The following NAALADL2 variants were observed in gnomAD, a reference collection of about 807,000 sequenced individuals.
NAALADL2 encodes the protein N-acetylated alpha-linked acidic dipeptidase like 2, also known as inactive N-acetylated-alpha-linked acidic dipeptidase-like protein 2.
Under a neutral mutation model 87.2 loss-of-function variants are expected in NAALADL2, and 76 were observed. The observed-to-expected ratio is 0.87, with a 90% CI of 0.72 to 1.05. NAALADL2 has a LOEUF of 1.05. Ranked by LOEUF, NAALADL2 falls within the 50% of genes least tolerant of loss-of-function variation. The probability of loss-of-function intolerance (pLI) is 0.00; values close to 1 mark genes in which losing one functional copy is unlikely to be tolerated. For missense variants in NAALADL2, 1,089 were observed against 945.8 expected, an observed-to-expected ratio of 1.15 and a Z score of -1.99; for synonymous variants, 354 against 331.0, an observed-to-expected ratio of 1.07 and a Z score of -0.75.
intron 2 of NAALADL2, among the ~76,000 whole-genome samples, chr3:174,703,841 C>T (rs1009849377): frequency 6.6e-6 from 1 of 152,132 alleles, no homozygotes; most frequent in African/African-American, 2.4e-5. Flanking sequence ...TCTTTTGCTT[C>T]ACCCTGTGAT....
chr3:175,075,183 A>T (rs939561376), intron 1 of NAALADL2, among the ~76,000 whole-genome samples: 4 of 152,132 alleles, frequency 2.6e-5, no homozygotes, highest in Non-Finnish European at 4.4e-5. Flanking sequence ...CTTGTCCAAA[A>T]TATAAGTGGT....
Position 175,014,401 on chromosome 3 carries a change from T to C in NAALADL2, c.44-82389T>C, listed in dbSNP as rs544817936. Among the ~76,000 whole-genome samples, 5 of 152,286 alleles carry C rather than the reference T, an allele frequency of 3.3e-5. No individual in the cohort carries two copies. In the East Asian group the frequency reaches 9.6e-4, roughly 29 times the overall value. On this transcript the variant is annotated intron_variant, in intron 1 of 13. Coordinates refer to ENST00000454872, the MANE Select transcript of NAALADL2 (RefSeq NM_207015.3). ...ATTTTTAACATAATTTGATGTTAAA[T>C]AGAACACATTTTACTGCTTCATATT...
At chr3:175,588,119 C>T (rs1026493825) in intron 10 of NAALADL2, among the ~76,000 whole-genome samples, 15 of 151,610 alleles carry the variant, frequency 9.9e-5, no homozygotes, top group African/African-American at 3.6e-4. Flanking sequence ...GACTGTACAA[C>T]CCAAACTTTG....
intron 2 of NAALADL2, among the ~76,000 whole-genome samples, chr3:174,646,219 CA>C (rs1723765931): frequency 6.6e-6 from 1 of 151,948 alleles, no homozygotes; most frequent in African/African-American, 2.4e-5. Flanking sequence ...AATTCTTGAG[CA>C]GGACCATTCA....
chr3:174,632,988 T>G (rs535432338), intron 2 of NAALADL2, among the ~76,000 whole-genome samples: 1 of 149,326 alleles, frequency 6.7e-6, no homozygotes, highest in South Asian at 2.1e-4. Flanking sequence ...AATTGCTGGC[T>G]CAAAGTACAG....
At chr3:175,317,649 A>T (rs1759329042) in intron 4 of NAALADL2, among the ~76,000 whole-genome samples, 2 of 152,130 alleles carry the variant, frequency 1.3e-5, no homozygotes, top group Non-Finnish European at 2.9e-5. Context: ...GTGGCCCAGA[A>T]ATCTTAAAAA....
intron 1 of NAALADL2, among the ~76,000 whole-genome samples, chr3:174,538,716 C>T (rs185685805): frequency 1.3e-5 from 2 of 152,262 alleles, no homozygotes; most frequent in Non-Finnish European, 2.9e-5. Context: ...ACCTTGGTCT[C>T]TATAACCCCT....
chr3:175,196,506 C>A (rs1210235590), intron 2 of NAALADL2, among the ~76,000 whole-genome samples: 1 of 151,908 alleles, frequency 6.6e-6, no homozygotes, highest in Non-Finnish European at 1.5e-5. Context: ...TAAGTCAAAT[C>A]TCTTTCTAAA....
chr3:175,680,795 C>G (rs1457503709), intron 11 of NAALADL2, among the ~76,000 whole-genome samples: 3 of 152,156 alleles, frequency 2.0e-5, no homozygotes, highest in African/African-American at 7.2e-5. Flanking sequence ...ATGTGACATA[C>G]AAGTATCAGT....
At chr3:174,543,596 C>G (rs1722460391) in intron 1 of NAALADL2, among the ~76,000 whole-genome samples, 1 of 151,666 alleles carries the variant, frequency 6.6e-6, no homozygotes, top group South Asian at 2.1e-4. Flanking sequence ...TTTACTCTAT[C>G]CCACTCTTTC....
chr3:175,161,907 C>CT (rs1444958759), intron 2 of NAALADL2, among the ~76,000 whole-genome samples: 1 of 152,100 alleles, frequency 6.6e-6, no homozygotes, highest in African/African-American at 2.4e-5. Flanking sequence ...TTTACAACAT[C>CT]TTTCTCATAA....
intron 2 of NAALADL2, among the ~76,000 whole-genome samples, chr3:174,625,373 T>C (rs1721471943): frequency 6.6e-6 from 1 of 152,106 alleles, no homozygotes; most frequent in Non-Finnish European, 1.5e-5. Context: ...GTTTATTTGA[T>C]GTAATGGCTG....
chr3:175,664,043 G>A (rs1316214852), intron 11 of NAALADL2, among the ~76,000 whole-genome samples: 1 of 151,914 alleles, frequency 6.6e-6, no homozygotes, highest in Non-Finnish European at 1.5e-5. Flanking sequence ...ATTTCACTGG[G>A]CAATAACAAT....
intron 2 of NAALADL2, among the ~76,000 whole-genome samples, chr3:175,106,706 G>T (rs184726104): frequency 6.6e-6 from 1 of 152,064 alleles, no homozygotes; most frequent in East Asian, 1.9e-4. Flanking sequence ...TCTCTTTCAC[G>T]TTCCTGTTTA....
intron 1 of NAALADL2, among the ~76,000 whole-genome samples, chr3:175,004,971 T>TA (rs1748820518): frequency 1.3e-5 from 2 of 152,020 alleles, no homozygotes; most frequent in Non-Finnish European, 2.9e-5. Context: ...TAAATTACTG[T>TA]TTCAAAATTC....
rs3930185 is a variant in NAALADL2, at chr3:174,791,652, G to C, written c.-9+53906G>C. Reference sequence around the variant, plus strand: ...TTTTGCATTAACACAGCATTCTCTGGACCAAATACTGTATTAGGGTTTAGG... The same window carrying C: ...TTTTGCATTAACACAGCATTCTCTGCACCAAATACTGTATTAGGGTTTAGG... On this transcript the variant is annotated intron_variant, in intron 3 of 3. Transcript: ENST00000434257. Among the ~76,000 whole-genome samples, 865 of 152,210 alleles carry C rather than the reference G, an allele frequency of 5.7e-3. 8 individuals carry two copies. The highest frequency in any genetic ancestry group is 0.02 in the African/African-American group (829 of 41,536).
intron 11 of NAALADL2, among the ~76,000 whole-genome samples, chr3:175,727,540 T>C (rs1318552464): frequency 2.6e-5 from 4 of 152,202 alleles, no homozygotes; most frequent in East Asian, 3.9e-4. Context: ...TCAGAGGCTA[T>C]TGGAATTCTT....
At chr3:174,881,340 G>A (rs1194094276) in intron 1 of NAALADL2, among the ~76,000 whole-genome samples, 2 of 151,912 alleles carry the variant, frequency 1.3e-5, no homozygotes, top group Non-Finnish European at 2.9e-5. Context: ...AACATTTTGT[G>A]TTTTAAAATT....
intron 2 of NAALADL2, among the ~76,000 whole-genome samples, chr3:175,120,219 C>T (rs1353164490): frequency 6.6e-6 from 1 of 151,710 alleles, no homozygotes; most frequent in Non-Finnish European, 1.5e-5. Flanking sequence ...TCCATGTAGA[C>T]ATTTTACAAC....
Sources: gnomAD v4.1 joint callset for allele counts (sites outside exome capture counted in the v4.1 genomes callset) on GRCh38, gnomAD v4.1.1 for gene constraint, MANE v1.5 for transcripts, NCBI Gene and HGNC (gene_info 2026-07-23, HGNC 2026-07-21) for gene names.